The following NCAPH2 variants were observed in gnomAD, a reference collection of about 807,000 sequenced individuals.
The protein encoded by NCAPH2 is non-SMC condensin II complex subunit H2, also known as condensin-2 complex subunit H2.
A neutral mutation model predicts 88.6 loss-of-function variants in NCAPH2; 56 were observed. That is an observed-to-expected ratio of 0.63 (90% CI 0.51 to 0.79). The LOEUF is 0.79. Ranked by LOEUF, NCAPH2 falls within the 30% of genes least tolerant of loss-of-function variation. The pLI is 0.00. For synonymous variants in NCAPH2, 378 were observed against 313.6 expected (o/e 1.21, Z -2.17); for missense variants, 794 against 792.0 (o/e 1.00, Z -0.03).
intron 9 of NCAPH2, chr22:50,520,675 C>T (rs751987415): frequency 6.7e-6 from 2 of 299,686 alleles, no homozygotes; most frequent in East Asian, 7.1e-5. Flanking sequence ...TCTCCTGCCT[C>T]GGCCTCCCGA....
In NCAPH2 at chr22:50,522,711, A is replaced by G. The variant is rs2069145462; in HGVS notation, c.1416A>G (p.Arg472=). Residue 472 remains arginine (R), a synonymous_variant, in exon 17 of 20, where the codon CGA becomes CGG. Coordinates refer to ENST00000420993, the MANE Select transcript of NCAPH2 (RefSeq NM_152299.4). ...CCCTGAGCTACGAGGAGCTGGTTCG[A>G]AGGAATGTGGTAGGCCTGGGTTAGA... The part of the protein sequence containing the change: ...PMSLSYEELV[R]RNVELFIATS... 1.9e-6 allele frequency: 3 copies of G among 1,613,578 alleles called. No individual in the cohort carries two copies. Among genetic ancestry groups the G allele is most frequent in the Non-Finnish European group, 2.5e-6 (3 of 1,179,964 alleles).
At chr22:50,514,686 G>C (rs180802398) in intron 1 of NCAPH2, among the ~76,000 whole-genome samples, 1 of 152,186 alleles carries the variant, frequency 6.6e-6, no homozygotes, top group African/African-American at 2.4e-5. Flanking sequence ...TTCTGGACCA[G>C]CTCTTCAGGT....
rs758230136 is a variant in NCAPH2, at chr22:50,523,650, C to G, written c.*275C>G. 3 of 1,613,858 alleles carry G rather than the reference C, an allele frequency of 1.9e-6. No homozygotes were observed. In the African/African-American group the frequency reaches 4.0e-5, roughly 22 times the overall value. On this transcript the variant is annotated 3_prime_UTR_variant, in exon 20 of 20. Transcript: ENST00000420993. ...TGCGGAAAGCCGCCATGTGCCGCCG[C>G]ACACTGTCTGAGATCTGCTCAGCCG... is the stretch of plus-strand genomic sequence containing the variant.
At chr22:50,514,548 G>T (rs948386744) in intron 1 of NCAPH2, among the ~76,000 whole-genome samples, 1 of 152,204 alleles carries the variant, frequency 6.6e-6, no homozygotes, top group Non-Finnish European at 1.5e-5. Context: ...ACCTGGGGAG[G>T]TGAGAAGACA....
intron 1 of NCAPH2, chr22:50,515,675 T>A (rs536433714): frequency 1.6e-6 from 2 of 1,262,968 alleles, no homozygotes; most frequent in South Asian, 1.3e-5. Flanking sequence ...GGATTACAGG[T>A]GTGAGCCACC....
chr22:50,508,539 C>A, intron 1 of NCAPH2, 94 bp downstream of exon 1: 1 of 893,386 alleles, frequency 1.1e-6, no homozygotes, highest in Non-Finnish European at 1.6e-6. Flanking sequence ...CCCACCGTCT[C>A]CACGCCTATG....
chr22:50,523,876 C>T lies in NCAPH2; in HGVS notation c.*501C>T, dbSNP rs149750715. ...TCTTGGGTGGAAGTCCTGGACGTAG[C>T]GGGCCATGGCTTCAACGTCGTCCCG... On this transcript the variant is annotated 3_prime_UTR_variant, in exon 20 of 20. Transcript: ENST00000420993. 149 of 1,613,808 alleles carry T rather than the reference C, an allele frequency of 9.2e-5. No individual in the cohort carries two copies. The highest frequency in any genetic ancestry group is 4.3e-4 in the African/African-American group (32 of 74,930).
Position 50,521,178 on chromosome 22 carries a change from C to T in NCAPH2, c.933+142C>T, listed in dbSNP as rs1232676693. ...TTTGCACTTGCTCTCTTAAAGACCC[C>T]CTCATGCGACTCTGGGCTCCCACCC... is the stretch of plus-strand genomic sequence containing the variant. On this transcript the variant is annotated intron_variant, in intron 10 of 19. Transcript: ENST00000420993. 7.7e-6 allele frequency: 7 copies of T among 903,798 alleles called. 1 individual carries two copies. The highest frequency in any genetic ancestry group is 1.2e-5 in the Non-Finnish European group (7 of 601,884). 56.0% of individuals were successfully genotyped at this position (903,798 alleles called of 1,614,324 possible). A position where few individuals can be genotyped will look rare whatever the true frequency, so the allele number is the denominator to read the frequency against.
chr22:50,517,980 T>C lies in NCAPH2; in HGVS notation c.428T>C (p.Leu143Pro), dbSNP rs752532067. The change falls in exon 6 of 20, where the codon CTC becomes CCC. Residue 143 changes from leucine to proline, a missense_variant. Physicochemically the swap from Leu to Pro is moderately conservative, Grantham distance 98. Coordinates refer to ENST00000420993, the MANE Select transcript of NCAPH2 (RefSeq NM_152299.4). ...CCCTTGGCCTCCATGCAGGAGGTCC[T>C]CATCATCCCCCTCCTGCCCATGGCC... Reference protein sequence around the residue: ...LKNDQTPSEVLIIPLLPMALV... With the variant: ...LKNDQTPSEVPIIPLLPMALV... 1 of 1,613,460 alleles carries C rather than the reference T, an allele frequency of 6.2e-7. No homozygotes were observed.
intron 7 of NCAPH2, 121 bp from the exon 8 acceptor site, chr22:50,518,528 G>A (rs1173831657): frequency 1.8e-6 from 2 of 1,130,510 alleles, no homozygotes; most frequent in East Asian, 5.2e-5. Context: ...CCCAGCCCAA[G>A]GCCTGGAGTC....
chr22:50,522,248 G>A lies in NCAPH2; in HGVS notation c.1230G>A (p.Arg410=). The A allele has an allele frequency of 1.2e-6, 2 of 1,613,686 alleles. No individual in the cohort carries two copies. The highest frequency in any genetic ancestry group is 1.7e-6 in the Non-Finnish European group (2 of 1,179,882). The change falls in exon 14 of 20, where the codon AGG becomes AGA. Residue 410 remains arginine (R), a synonymous_variant. Coordinates refer to ENST00000420993, the MANE Select transcript of NCAPH2 (RefSeq NM_152299.4). ...QLETLRKLQR[R]EVAEQWLRPA... ...AAACTCTCCGGAAGCTGCAGAGGAG[G>A]GAGGCAAGTCCCAGCTGGTCAGCTG...
intron 9 of NCAPH2, chr22:50,519,740 A>G: frequency 9.8e-7 from 1 of 1,022,172 alleles, no homozygotes. Flanking sequence ...TCATTAAAAC[A>G]AAATCAACCT....
intron 9 of NCAPH2, chr22:50,519,689 A>G: frequency 9.0e-7 from 1 of 1,108,108 alleles, no homozygotes; most frequent in Non-Finnish European, 1.1e-6. Context: ...CCCCGGGGTC[A>G]ACTGTACCCA....
Position 50,524,605 on chromosome 22 carries a change from G to A in NCAPH2, c.*1230G>A, listed in dbSNP as rs2069250235. 2 of 717,714 alleles carry A rather than the reference G, an allele frequency of 2.8e-6. No homozygotes were observed. The highest frequency in any genetic ancestry group is 1.5e-5 in the South Asian group (1 of 66,788). 44.5% of individuals were successfully genotyped at this position (717,714 alleles called of 1,614,324 possible). On this transcript the variant is annotated 3_prime_UTR_variant, in exon 20 of 20. Coordinates refer to ENST00000420993, the MANE Select transcript of NCAPH2 (RefSeq NM_152299.4). ...ACCTCCACCAAACATCCACACCTGG[G>A]CAACCACACCTGTCACTCCTGTCCT...
intron 1 of NCAPH2, among the ~76,000 whole-genome samples, chr22:50,514,412 C>T (rs1442999023): frequency 6.6e-6 from 1 of 151,570 alleles, no homozygotes. Flanking sequence ...GGTTTCTGGG[C>T]AGGTGGGTTG....
At position 50,517,746 on chromosome 22, in the gene NCAPH2, G is replaced by A. The variant is rs769379570; in HGVS notation, c.357G>A (p.Leu119=). The A allele has an allele frequency of 1.9e-6, 3 of 1,613,928 alleles. No individual in the cohort carries two copies. Among genetic ancestry groups the A allele is most frequent in the Non-Finnish European group, 2.5e-6 (3 of 1,180,046 alleles). Residue 119 remains leucine (L), a synonymous_variant, in exon 5 of 20, where the codon CTG becomes CTA. Transcript: ENST00000420993. The stretch of plus-strand genomic sequence containing the variant: ...CGAGCTCTGTCTCCCTCCAGTTCCT[G>A]TCGCTGGATGACTTCCCTGACTCCC... ...GVPQEAENEF[L]SLDDFPDSRT...
chr22:50,524,544 A>G lies in NCAPH2; in HGVS notation c.*1169A>G. The G allele has an allele frequency of 1.1e-6, 1 of 891,266 alleles. No individual in the cohort carries two copies. The highest frequency in any genetic ancestry group is 2.0e-5 in the Admixed American group (1 of 50,228). 55.2% of individuals were successfully genotyped at this position (891,266 alleles called of 1,614,324 possible). On this transcript the variant is annotated 3_prime_UTR_variant, in exon 20 of 20. Coordinates refer to ENST00000420993, the MANE Select transcript of NCAPH2 (RefSeq NM_152299.4). ...GACCCAGCCCACGTTCAGGCTTAACAGGCATTTGCAGCTGCTCACCTGAGC... is the reference window on the plus strand; with the variant it reads ...GACCCAGCCCACGTTCAGGCTTAACGGGCATTTGCAGCTGCTCACCTGAGC...
chr22:50,511,556 G>A (rs879657770), intron 1 of NCAPH2, among the ~76,000 whole-genome samples: 1 of 143,084 alleles, frequency 7.0e-6, no homozygotes, highest in Non-Finnish European at 1.5e-5. Flanking sequence ...CTCCCAAAGT[G>A]CTGGGATTAC....
rs150737593 is a variant in NCAPH2, at chr22:50,520,561, G to GT, written c.862-388dup. 1,095 of 139,450 alleles carry GT rather than the reference G, an allele frequency of 7.9e-3. 5 individuals carry two copies. Among genetic ancestry groups the GT allele is most frequent in the Admixed American group, 0.019 (259 of 13,606 alleles). The allele number at this position is 139,450 out of a possible 1,614,324, so 8.6% of individuals were successfully genotyped here. A position where few individuals can be genotyped will look rare whatever the true frequency, so the allele number is the denominator to read the frequency against. On this transcript the variant is annotated intron_variant, in intron 9 of 19. Transcript: ENST00000420993. The stretch of plus-strand genomic sequence containing the variant: ...GAGCCACTGTGTCCGGTCCCTGTAG[G>GT]TTTTTTTTTTTTTTTTGGACGGAGT...
Sources: gnomAD v4.1 joint callset for allele counts (sites outside exome capture counted in the v4.1 genomes callset) on GRCh38, gnomAD v4.1.1 for gene constraint, MANE v1.5 for transcripts, NCBI Gene and HGNC (gene_info 2026-07-23, HGNC 2026-07-21) for gene names.